The following METTL15 variants were observed in gnomAD, a reference collection of about 807,000 sequenced individuals.
The protein encoded by METTL15 is methyltransferase 15, mitochondrial 12S rRNA N4-cytidine.
METTL15 carries 34 observed loss-of-function variants against 38.3 expected under a neutral mutation model. The ratio of observed to expected loss-of-function variants is 0.89; its 90% confidence interval spans 0.68 to 1.18. The LOEUF is 1.18. METTL15 is among the 50% of genes most tolerant of loss of function. The pLI is 0.00. For synonymous variants in METTL15, 162 were observed against 170.9 expected (o/e 0.95, Z 0.41); for missense variants, 438 against 498.4 (o/e 0.88, Z 1.15).
At chr11:28,429,854 C>A (rs1199040711) in intron 6 of METTL15, among the ~76,000 whole-genome samples, 1 of 68,930 alleles carries the variant, frequency 1.5e-5, no homozygotes, top group East Asian at 4.3e-4. Flanking sequence ...TGCCTGGCTG[C>A]CCAGTCTGGA....
intron 3 of METTL15, chr11:28,145,384 A>G (rs1441524529): frequency 6.6e-6 from 1 of 151,782 alleles, no homozygotes; most frequent in African/African-American, 2.4e-5. Context: ...TTTTTTTAAA[A>G]TTTTTCATAT....
At chr11:28,178,110 A>G (rs1239228068) in intron 3 of METTL15, among the ~76,000 whole-genome samples, 1 of 151,892 alleles carries the variant, frequency 6.6e-6, no homozygotes, top group Non-Finnish European at 1.5e-5. Flanking sequence ...TGCATGAGTT[A>G]TCATTTGCCT....
downstream of METTL15, among the ~76,000 whole-genome samples, chr11:28,528,881 A>G (rs540024698): frequency 6.6e-6 from 1 of 152,260 alleles, no homozygotes; most frequent in Admixed American, 6.5e-5. Flanking sequence ...GCATCTTTTA[A>G]TCTGTCTAAT....
intron 6 of METTL15, among the ~76,000 whole-genome samples, chr11:28,477,774 T>A (rs957858120): frequency 1.3e-5 from 2 of 152,222 alleles, no homozygotes; most frequent in Non-Finnish European, 1.5e-5. Flanking sequence ...CCTTCCATTG[T>A]TTTTAATATT....
In METTL15 at chr11:28,371,044, G is replaced by A. The variant is rs149884410; in HGVS notation, c.*358+9008G>A. On this transcript the variant is annotated intron_variant and NMD_transcript_variant, in intron 5 of 7. Coordinates refer to the METTL15 transcript ENST00000532947. ...TGATTGTTTTCTTTGCTCTACAGAA[G>A]CTTTTAACCTGATGTAATCCTATTT... Among the ~76,000 whole-genome samples, 114 of 152,074 alleles carry A rather than the reference G, an allele frequency of 7.5e-4. 1 individual carries two copies. The highest frequency in any genetic ancestry group is 2.6e-3 in the African/African-American group (109 of 41,550).
intron 4 of METTL15, among the ~76,000 whole-genome samples, chr11:28,355,751 G>T (rs1030897618): frequency 6.6e-6 from 1 of 152,064 alleles, no homozygotes; most frequent in Non-Finnish European, 1.5e-5. Context: ...TTTGGTATTT[G>T]CCAGGGGAGG....
intron 5 of METTL15, among the ~76,000 whole-genome samples, chr11:28,373,330 G>A (rs550502696): frequency 1.3e-5 from 2 of 152,062 alleles, no homozygotes; most frequent in African/African-American, 2.4e-5. Flanking sequence ...GTGTGAGATG[G>A]TATCTCATTG....
chr11:28,173,308 G>C (rs981735057), intron 3 of METTL15, among the ~76,000 whole-genome samples: 1 of 152,064 alleles, frequency 6.6e-6, no homozygotes, highest in Non-Finnish European at 1.5e-5. Context: ...ATCATGAAGG[G>C]GAAGAGTACC....
intron 3 of METTL15, among the ~76,000 whole-genome samples, chr11:28,161,807 T>C (rs1255986372): frequency 6.6e-6 from 1 of 152,136 alleles, no homozygotes; most frequent in African/African-American, 2.4e-5. Flanking sequence ...TATGTGCTGT[T>C]GGCAAGGCAC....
intron 6 of METTL15, among the ~76,000 whole-genome samples, chr11:28,462,165 G>A (rs911345842): frequency 2.6e-5 from 4 of 152,078 alleles, no homozygotes; most frequent in African/African-American, 9.7e-5. Flanking sequence ...CCAGAGAAGG[G>A]CTTGACGTAG....
rs1851347173 is a variant in METTL15, at chr11:28,182,904, T to C, written c.271-28158T>C. On this transcript the variant is annotated intron_variant, in intron 3 of 6. Coordinates refer to ENST00000407364, the MANE Select transcript of METTL15 (RefSeq NM_001113528.2). ...TATTCATGAGCATGGAATGTTTTTC[T>C]ATTTGTTTGTGTCCTCTCTTGTTTC... Among the ~76,000 whole-genome samples the C allele has an allele frequency of 2.6e-5, 4 of 151,892 alleles. No homozygotes were observed. In the South Asian group the frequency reaches 8.3e-4, roughly 31 times the overall value.
At chr11:28,474,211 A>G (rs191511474) in intron 6 of METTL15, among the ~76,000 whole-genome samples, 22 of 151,926 alleles carry the variant, frequency 1.4e-4, no homozygotes, top group Admixed American at 4.6e-4. Flanking sequence ...TATTTAATAC[A>G]TATTAAATAT....
chr11:28,266,759 CT>C (rs1855436840), intron 4 of METTL15, among the ~76,000 whole-genome samples: 1 of 152,172 alleles, frequency 6.6e-6, no homozygotes, highest in Non-Finnish European at 1.5e-5. Context: ...ATAATTATGT[CT>C]CCGTAAACTA....
intron 5 of METTL15, among the ~76,000 whole-genome samples, chr11:28,373,543 A>G (rs983573700): frequency 2.0e-5 from 3 of 152,186 alleles, no homozygotes; most frequent in Non-Finnish European, 4.4e-5. Context: ...GGAGGTTGCA[A>G]AAATTTTCTC....
At chr11:28,299,795 G>C (rs1856852466) in intron 6 of METTL15, among the ~76,000 whole-genome samples, 1 of 152,146 alleles carries the variant, frequency 6.6e-6, no homozygotes, top group South Asian at 2.1e-4. Flanking sequence ...GAGACTTGAA[G>C]TCTGAAATCA....
chr11:28,181,095 A>T (rs963823769), intron 3 of METTL15, among the ~76,000 whole-genome samples: 7 of 151,690 alleles, frequency 4.6e-5, no homozygotes, highest in African/African-American at 1.7e-4. Flanking sequence ...AAGTCAAGAT[A>T]AATAATAAAG....
At chr11:28,202,748 A>C (rs1265996762) in intron 3 of METTL15, among the ~76,000 whole-genome samples, 2 of 152,130 alleles carry the variant, frequency 1.3e-5, no homozygotes, top group African/African-American at 4.8e-5. Flanking sequence ...AGCAATTGCC[A>C]GAAAAGATTC....
rs761225947 is a variant in METTL15, at chr11:28,162,328, A to G, written c.270+48724A>G. 1.2e-4 allele frequency among the ~76,000 whole-genome samples: 18 copies of G among 152,280 alleles called. 1 individual carries two copies. Among genetic ancestry groups the G allele is most frequent in the South Asian group, 1.0e-3 (5 of 4,820 alleles). On this transcript the variant is annotated intron_variant, in intron 3 of 6. Transcript: ENST00000407364. ...AGAGTGTACATTGTCTTGGAAGGCTAAGAAACAGAGTATGGTAGGTAGTAT... is the reference window on the plus strand; with the variant it reads ...AGAGTGTACATTGTCTTGGAAGGCTGAGAAACAGAGTATGGTAGGTAGTAT...
rs866120206 is a variant in METTL15 at position 28,516,754 on chromosome 11, T to G, written c.*425-9724T>G. 3 of 152,208 alleles carry G rather than the reference T, an allele frequency of 2.0e-5. No individual in the cohort carries two copies. In the South Asian group the frequency reaches 6.2e-4, roughly 31 times the overall value. The allele number at this position is 152,208 out of a possible 1,614,324, so 9.4% of individuals were successfully genotyped here. A position where few individuals can be genotyped will look rare whatever the true frequency, so the allele number is the denominator to read the frequency against. On this transcript the variant is annotated intron_variant and NMD_transcript_variant, in intron 6 of 7. Transcript: ENST00000532947. Reference sequence around the variant, plus strand: ...AGCATGTTAAGAATAACTTCCTAGATGTGATGACACTTGAGTTATGCCTTA... The same window carrying G: ...AGCATGTTAAGAATAACTTCCTAGAGGTGATGACACTTGAGTTATGCCTTA...
Sources: gnomAD v4.1 joint callset for allele counts (sites outside exome capture counted in the v4.1 genomes callset) on GRCh38, gnomAD v4.1.1 for gene constraint, MANE v1.5 for transcripts, NCBI Gene and HGNC (gene_info 2026-07-23, HGNC 2026-07-21) for gene names.